The following PXDNL variants were observed in gnomAD, a reference collection of about 807,000 sequenced individuals.
The protein encoded by PXDNL is probable oxidoreductase PXDNL.
A neutral mutation model predicts 150.8 loss-of-function variants in PXDNL; 145 were observed. The ratio of observed to expected loss-of-function variants is 0.96; its 90% CI spans 0.84 to 1.10. The LOEUF is 1.10. PXDNL is among the 50% of genes least tolerant of loss of function. The pLI is 0.00. For missense variants in PXDNL, 2,087 were observed against 1,873.9 expected, an observed-to-expected ratio of 1.11 and a Z score of -2.10; for synonymous variants, 757 against 725.7, an observed-to-expected ratio of 1.04 and a Z score of -0.69.
chr8:51,507,180 A>G (rs2130323789), intron 4 of PXDNL, among the ~76,000 whole-genome samples: 1 of 152,338 alleles, frequency 6.6e-6, no homozygotes, highest in Non-Finnish European at 1.5e-5. Context: ...ACAGTCTTGT[A>G]GAATACCTAT....
chr8:51,382,857 G>T (rs1328566515), intron 17 of PXDNL, among the ~76,000 whole-genome samples: 1 of 152,182 alleles, frequency 6.6e-6, no homozygotes, highest in Non-Finnish European at 1.5e-5. Context: ...TTAGAAGTTA[G>T]AACATTGAAC....
chr8:51,785,140 G>A (rs2037448976), intron 1 of PXDNL, among the ~76,000 whole-genome samples: 1 of 152,080 alleles, frequency 6.6e-6, no homozygotes, highest in South Asian at 2.1e-4. Context: ...GGATGCACTT[G>A]ATCGTGGTCC....
At chr8:51,588,357 A>G (rs897895847) in intron 3 of PXDNL, among the ~76,000 whole-genome samples, 1 of 152,210 alleles carries the variant, frequency 6.6e-6, no homozygotes, top group Non-Finnish European at 1.5e-5. Flanking sequence ...CAGTGGGTAC[A>G]TGAATGTGTT....
intron 1 of PXDNL, among the ~76,000 whole-genome samples, chr8:51,775,384 T>A (rs1035324350): frequency 3.3e-5 from 5 of 152,228 alleles, no homozygotes; most frequent in African/African-American, 1.2e-4. Flanking sequence ...TATATTGCCA[T>A]TCCAATGGGT....
chr8:51,726,314 C>T (rs1185283483), intron 1 of PXDNL, among the ~76,000 whole-genome samples: 3 of 152,202 alleles, frequency 2.0e-5, no homozygotes, highest in East Asian at 3.9e-4. Flanking sequence ...TGGATGAACA[C>T]GCCGGCTCTA....
intron 21 of PXDNL, 111 bp from the exon 22 acceptor site, chr8:51,321,008 G>A: frequency 1.3e-6 from 1 of 781,756 alleles, no homozygotes; most frequent in Non-Finnish European, 2.1e-6. Flanking sequence ...ACACCTAGAA[G>A]GCAAAAGAAA....
chr8:51,495,903 A>G (rs1811036439), intron 5 of PXDNL, among the ~76,000 whole-genome samples: 1 of 152,208 alleles, frequency 6.6e-6, no homozygotes, highest in Admixed American at 6.5e-5. Context: ...CAACAGAAAA[A>G]GAGGGAATCC....
At chr8:51,476,348 TTC>T (rs1443625753) in intron 6 of PXDNL, among the ~76,000 whole-genome samples, 1 of 152,232 alleles carries the variant, frequency 6.6e-6, no homozygotes, top group African/African-American at 2.4e-5. Flanking sequence ...TAGGCATGTG[TTC>T]TCTGTGTTTT....
chr8:51,490,804 CA>C (rs1810874247), intron 5 of PXDNL, among the ~76,000 whole-genome samples: 1 of 150,880 alleles, frequency 6.6e-6, no homozygotes, highest in African/African-American at 2.4e-5. Context: ...TCCTCATCTT[CA>C]GAGTGAAAAT....
Position 51,326,115 on chromosome 8 carries a change from G to C in PXDNL, c.4147-5218C>G, listed in dbSNP as rs574540389. 1.8e-4 allele frequency among the ~76,000 whole-genome samples: 28 copies of C among 152,282 alleles called. 1 individual carries two copies. The South Asian group carries it at 5.6e-3, about 31-fold the overall frequency. The stretch of plus-strand genomic sequence containing the variant: ...ATTGTTCCTGGAGCCCAAGGTCCCT[G>C]ATCAGTCTGCTTTCTTGCTCTTCAC... On this transcript the variant is annotated intron_variant, in intron 21 of 22. Transcript: ENST00000356297.
chr8:51,721,320 G>T (rs913849023), intron 1 of PXDNL, among the ~76,000 whole-genome samples: 50 of 152,154 alleles, frequency 3.3e-4, no homozygotes, highest in African/African-American at 1.2e-3. Context: ...GGTTTTTTCA[G>T]CTTAATTAGC....
intron 6 of PXDNL, among the ~76,000 whole-genome samples, chr8:51,483,110 G>A (rs1316525061): frequency 2.6e-5 from 4 of 152,336 alleles, no homozygotes; most frequent in South Asian, 2.1e-4. Flanking sequence ...TGGAATGCAG[G>A]AGGGTGGAGA....
In PXDNL at chr8:51,735,554, T is replaced by TTG. The variant is rs1316724345; in HGVS notation, c.164+73626_164+73627insCA. ...TTTTTTTTTTTTTTTTTTTTTTTTT[T>TTG]TTTTTTTTTTGAGACGGAGTCTCGC... is the stretch of plus-strand genomic sequence containing the variant. On this transcript the variant is annotated intron_variant, in intron 1 of 22. Transcript: ENST00000356297. Among the ~76,000 whole-genome samples, 220 of 133,604 alleles carry TTG rather than the reference T, an allele frequency of 1.6e-3. 11 individuals are homozygous for TTG. Among genetic ancestry groups the TTG allele is most frequent in the Non-Finnish European group, 1.8e-3 (116 of 63,012 alleles). The allele number at this position is 133,604 out of a possible 152,430, so 87.6% of individuals were successfully genotyped here.
intron 4 of PXDNL, among the ~76,000 whole-genome samples, chr8:51,547,454 C>A (rs1812386495): frequency 6.6e-6 from 1 of 152,208 alleles, no homozygotes; most frequent in Admixed American, 6.5e-5. Flanking sequence ...TTCCCCACAA[C>A]CTCCACCAGA....
intron 2 of PXDNL, among the ~76,000 whole-genome samples, chr8:51,601,313 G>A (rs746677925): frequency 3.3e-5 from 5 of 151,802 alleles, no homozygotes; most frequent in African/African-American, 7.2e-5. Flanking sequence ...CAATGTTGTC[G>A]TTGGGGTGTT....
intron 12 of PXDNL, among the ~76,000 whole-genome samples, chr8:51,431,275 G>A (rs1221533171): frequency 3.3e-5 from 5 of 152,150 alleles, no homozygotes; most frequent in African/African-American, 1.2e-4. Flanking sequence ...AGGAAAAACA[G>A]GCCCTTCCAC....
chr8:51,751,634 C>T (rs1305474705), intron 1 of PXDNL, among the ~76,000 whole-genome samples: 6 of 152,172 alleles, frequency 3.9e-5, no homozygotes, highest in Non-Finnish European at 7.3e-5. Flanking sequence ...AAAACTAAGT[C>T]CTCCAAGCAT....
chr8:51,559,711 T>C (rs1056280366), intron 3 of PXDNL, among the ~76,000 whole-genome samples: 2 of 151,798 alleles, frequency 1.3e-5, no homozygotes, highest in Non-Finnish European at 2.9e-5. Flanking sequence ...GATGAGAACT[T>C]AAGATTGAGG....
chr8:51,599,009 T>G (rs1813634547), intron 2 of PXDNL, among the ~76,000 whole-genome samples: 1 of 152,180 alleles, frequency 6.6e-6, no homozygotes, highest in Non-Finnish European at 1.5e-5. Flanking sequence ...CTAGATTTTC[T>G]AGTTTGTGTA....
Sources: allele counts gnomAD v4.1 joint callset (sites outside exome capture counted in the v4.1 genomes callset), GRCh38; gene constraint gnomAD v4.1.1; transcripts MANE v1.5; gene names NCBI Gene and HGNC (gene_info 2026-07-23, HGNC 2026-07-21).